The following NLRP9 variants were observed in gnomAD, a reference collection of about 807,000 sequenced individuals.
NLRP9 encodes NACHT, LRR and PYD domains-containing protein 9.
A neutral mutation model predicts 83.1 loss-of-function variants in NLRP9; 88 were observed. That is an observed-to-expected ratio of 1.06 (90% CI 0.89 to 1.26). The LOEUF is 1.26. Among genes scored for constraint, NLRP9 ranks in the 50% most tolerant of loss-of-function variants. NLRP9 has a pLI of 0.00. For missense variants in NLRP9, 1,308 were observed against 1,179.3 expected, an observed-to-expected ratio of 1.11 and a Z score of -1.60; for synonymous variants, 521 against 447.6, an observed-to-expected ratio of 1.16 and a Z score of -2.07.
intron 1 of NLRP9, among the ~76,000 whole-genome samples, chr19:55,735,797 C>T (rs1409067253): frequency 2.6e-5 from 4 of 152,098 alleles, no homozygotes; most frequent in South Asian, 4.2e-4. Flanking sequence ...TAGTGATTCT[C>T]GTGCCTCAGC....
intron 8 of NLRP9, among the ~76,000 whole-genome samples, chr19:55,710,491 T>C (rs968224775): frequency 6.6e-6 from 1 of 152,134 alleles, no homozygotes; most frequent in South Asian, 2.1e-4. Flanking sequence ...ATCCCCAATG[T>C]TGGAGGTGGG....
At chr19:55,715,372 T>C in intron 5 of NLRP9, 147 bp from the exon 6 acceptor site, 1 of 682,518 alleles carries the variant, frequency 1.5e-6, no homozygotes, top group South Asian at 2.1e-5. Context: ...CAGATGTTCC[T>C]TGAACTCTGC....
intron 4 of NLRP9, among the ~76,000 whole-genome samples, chr19:55,722,333 T>G (rs535107221): frequency 6.6e-6 from 1 of 152,140 alleles, no homozygotes; most frequent in African/African-American, 2.4e-5. Flanking sequence ...ATTTTGAAAG[T>G]TCCCCCTGAG....
chr19:55,711,068 A>G (rs925314651), intron 8 of NLRP9, among the ~76,000 whole-genome samples: 83 of 151,022 alleles, frequency 5.5e-4, no homozygotes, highest in Middle Eastern at 3.4e-3. Flanking sequence ...CCTGGATGAC[A>G]GAGCAAGACT....
intron 4 of NLRP9, among the ~76,000 whole-genome samples, chr19:55,717,780 T>A (rs867731080): frequency 2.0e-5 from 3 of 152,252 alleles, no homozygotes; most frequent in South Asian, 4.1e-4. Context: ...ACAGAGTTGA[T>A]CGATTATGCC....
chr19:55,733,488 T>C lies in NLRP9; in HGVS notation c.343A>G (p.Thr115Ala). 6.2e-7 allele frequency: 1 copy of C among 1,612,936 alleles called. No individual in the cohort carries two copies. Among genetic ancestry groups the C allele is most frequent in the Non-Finnish European group, 8.5e-7 (1 of 1,179,526 alleles). ...ETFQLIWEKE[T>A]CLHVPEHFYK... ...AAATGCTCAGGGACGTGAAGACAGG[T>C]TTCCTTCTCCCATATGAGTTGAAAT... The change falls in exon 2 of 9, where the codon ACC (threonine) becomes GCC (alanine). Residue 115 changes from threonine to alanine, a missense_variant. Transcript: ENST00000332836.
At chr19:55,725,681 G>A (rs957718118) in intron 3 of NLRP9, among the ~76,000 whole-genome samples, 8 of 152,098 alleles carry the variant, frequency 5.3e-5, no homozygotes, top group South Asian at 4.2e-4. Flanking sequence ...TCTGTGCGGC[G>A]AGGGTGAGCA....
In NLRP9 at chr19:55,733,168, C is replaced by G. The variant is rs751962821; in HGVS notation, c.663G>C (p.Glu221Asp). Reference protein sequence around the residue: ...EKIEDIFSQPERILFIMDGFE... With the variant: ...EKIEDIFSQPDRILFIMDGFE... ...AGCCATCCATGATGAACAGAATTCTCTCTGGCTGGGAAAAAATGTCTTCGA... is the reference window on the plus strand; with the variant it reads ...AGCCATCCATGATGAACAGAATTCTGTCTGGCTGGGAAAAAATGTCTTCGA... Residue 221 changes from glutamate (E) to aspartate (D), a missense_variant, in exon 2 of 9, where the codon GAG (glutamate) becomes GAC (aspartate). Physicochemically the swap from Glu to Asp is conservative, Grantham distance 45. Coordinates refer to ENST00000332836, the MANE Select transcript of NLRP9 (RefSeq NM_176820.4). The G allele has an allele frequency of 6.8e-6, 11 of 1,614,080 alleles. No homozygotes were observed. The highest frequency in any genetic ancestry group is 9.3e-6 in the Non-Finnish European group (11 of 1,180,010).
chr19:55,737,512 A>C (rs1988815473), intron 1 of NLRP9: 1 of 152,782 alleles, frequency 6.5e-6, no homozygotes. Context: ...TAGAACCTCC[A>C]AACAAGCTCG....
chr19:55,733,919 ATTTTT>A (rs765779528), intron 1 of NLRP9, among the ~76,000 whole-genome samples: 1,255 of 117,876 alleles, frequency 0.011, 30 homozygotes, highest in African/African-American at 0.039. Context: ...TGTCAACCAA[ATTTTT>A]TTTTTTTTTT....
At position 55,733,156 on chromosome 19, in the gene NLRP9, G is replaced by C. The variant is rs371034160; in HGVS notation, c.675C>G (p.Phe225Leu). The change falls in exon 2 of 9, where the codon TTC becomes TTG. Residue 225 changes from phenylalanine to leucine, a missense_variant. Transcript: ENST00000332836. Reference protein sequence around the residue: ...DIFSQPERILFIMDGFEQLKF... With the variant: ...DIFSQPERILLIMDGFEQLKF... ...TCAGTTGCTCAAAGCCATCCATGAT[G>C]AACAGAATTCTCTCTGGCTGGGAAA... 84 of 1,614,010 alleles carry C rather than the reference G, an allele frequency of 5.2e-5. 1 individual carries two copies. In the African/African-American group the frequency reaches 9.9e-4, roughly 19 times the overall value.
At chr19:55,709,668 C>T (rs1987624410) in intron 8 of NLRP9, 1 of 152,212 alleles carries the variant, frequency 6.6e-6, no homozygotes, top group Admixed American at 6.5e-5. Flanking sequence ...ATCCTACTTA[C>T]CCAGTTAGCA....
intron 4 of NLRP9, among the ~76,000 whole-genome samples, chr19:55,719,274 T>TCCCAACTAGCTGGGATTACAGGCA (rs1042944079): frequency 6.6e-6 from 1 of 152,194 alleles, no homozygotes; most frequent in Non-Finnish European, 1.5e-5. Flanking sequence ...CACCTCAGCC[T>TCCCAACTAGCTGGGATTACAGGCA]CCCAACTAGC....
intron 3 of NLRP9, among the ~76,000 whole-genome samples, chr19:55,726,609 A>T (rs1988411202): frequency 6.6e-6 from 1 of 152,212 alleles, no homozygotes; most frequent in Non-Finnish European, 1.5e-5. Context: ...GTTTCCAGAA[A>T]CTATTATCAC....
chr19:55,730,234 G>A lies in NLRP9; in HGVS notation c.1833-242C>T, dbSNP rs149022764. The stretch of plus-strand genomic sequence containing the variant: ...TTTGAGAGGCCAAGGCAAGAGAATC[G>A]CTTGAGCTTAGGAGTTTGAGGACGG... On this transcript the variant is annotated intron_variant, in intron 2 of 8. Coordinates refer to ENST00000332836, the MANE Select transcript of NLRP9 (RefSeq NM_176820.4). 2.0e-3 allele frequency among the ~76,000 whole-genome samples: 304 copies of A among 152,226 alleles called. 1 individual carries two copies. Among genetic ancestry groups the A allele is most frequent in the Admixed American group, 2.5e-3 (38 of 15,278 alleles).
intron 1 of NLRP9, among the ~76,000 whole-genome samples, chr19:55,734,635 ATATT>A (rs146230345): frequency 0.21 from 25,422 of 119,864 alleles, 2,479 homozygotes; most frequent in Non-Finnish European, 0.27. Context: ...ATATATATAT[ATATT>A]TTTTTTTTTT....
In NLRP9 at chr19:55,724,120, A is replaced by C. The variant is rs538808781; in HGVS notation, c.2019T>G (p.His673Gln). The C allele has an allele frequency of 6.2e-7, 1 of 1,612,662 alleles. No homozygotes were observed. Among genetic ancestry groups the C allele is most frequent in the East Asian group, 2.2e-5 (1 of 44,880 alleles). ...GAACTGCCTTAAATAATTCTGAATC[A>C]TGTCCAAAGTACACAGAAGTAAATC... Reference protein sequence around the residue: ...KLIFTSVYFGHDSELFKAVLH... With the variant: ...KLIFTSVYFGQDSELFKAVLH... Residue 673 changes from histidine to glutamine, a missense_variant, in exon 4 of 9, where the codon CAT becomes CAG. Coordinates refer to ENST00000332836, the MANE Select transcript of NLRP9 (RefSeq NM_176820.4).
Position 55,711,840 on chromosome 19 carries a change from C to T in NLRP9, c.2803G>A (p.Glu935Lys). The T allele has an allele frequency of 6.2e-7, 1 of 1,613,356 alleles. No homozygotes were observed. Among genetic ancestry groups the T allele is most frequent in the Non-Finnish European group, 8.5e-7 (1 of 1,179,934 alleles). ...LDADAVVVLC[E>K]ALSHPDCALQ... ...GCACAGTCCGGGTGGCTCAATGCCTCACACAGCACCACCACTGCATCAGCA... is the reference window on the plus strand; with the variant it reads ...GCACAGTCCGGGTGGCTCAATGCCTTACACAGCACCACCACTGCATCAGCA... The change falls in exon 8 of 9, where the codon GAG (glutamate) becomes AAG (lysine). Residue 935 changes from glutamate (E) to lysine (K), a missense_variant. Glu to Lys is a moderately conservative substitution (Grantham distance 56, BLOSUM62 1). Coordinates refer to ENST00000332836, the MANE Select transcript of NLRP9 (RefSeq NM_176820.4).
In NLRP9 at chr19:55,709,001, T is replaced by A. The variant is rs200070463; in HGVS notation, c.2887A>T (p.Met963Leu). ...TGGGGAATTTTTTCTTCCACAGACA[T>A]CAGGATCTTCTGAGTTTCTTCATCA... Reference protein sequence around the residue: ...GFDEETQKILMSVEEKIPHLT... With the variant: ...GFDEETQKILLSVEEKIPHLT... The change falls in exon 9 of 9, where the codon ATG becomes TTG. Residue 963 changes from methionine (M) to leucine (L), a missense_variant. By Grantham distance (15) the Met-to-Leu change is conservative. Coordinates refer to ENST00000332836, the MANE Select transcript of NLRP9 (RefSeq NM_176820.4). 1.3e-5 allele frequency: 20 copies of A among 1,588,924 alleles called. No homozygotes were observed. The highest frequency in any genetic ancestry group is 1.5e-5 in the Non-Finnish European group (18 of 1,171,346).
Sources: allele counts gnomAD v4.1 joint callset (sites outside exome capture counted in the v4.1 genomes callset), GRCh38; gene constraint gnomAD v4.1.1; transcripts MANE v1.5; gene names NCBI Gene and HGNC (gene_info 2026-07-23, HGNC 2026-07-21).